Variants in HS3ST2 observed in about 807,000 individuals in gnomAD.
HS3ST2 encodes the protein heparan sulfate glucosamine 3-O-sulfotransferase 2.
Under a neutral mutation model 26.3 loss-of-function variants are expected in HS3ST2, and 17 were observed. The ratio of observed to expected loss-of-function variants is 0.65; its 90% CI spans 0.44 to 0.97. The LOEUF (loss-of-function observed/expected upper bound fraction) is 0.97. Among genes scored for constraint, HS3ST2 ranks in the 50% least tolerant of loss-of-function variants. The probability of loss-of-function intolerance (pLI) is 0.00; values close to 1 mark genes in which losing one functional copy is unlikely to be tolerated. For missense variants in HS3ST2, 402 were observed against 501.2 expected, an observed-to-expected ratio of 0.80 and a Z score of 1.89; for synonymous variants, 237 against 219.2, an observed-to-expected ratio of 1.08 and a Z score of -0.72.
At chr16:22,875,371 T>G (rs1901900762) in intron 1 of HS3ST2, among the ~76,000 whole-genome samples, 2 of 150,462 alleles carry the variant, frequency 1.3e-5, no homozygotes, top group African/African-American at 4.9e-5. Flanking sequence ...TTTTAATAAA[T>G]TTATTTATTT....
chr16:22,853,502 T>C (rs1159509001), intron 1 of HS3ST2, among the ~76,000 whole-genome samples: 2 of 152,148 alleles, frequency 1.3e-5, no homozygotes, highest in Non-Finnish European at 2.9e-5. Flanking sequence ...CTAGGGAAGA[T>C]GGGAACTTGA....
chr16:22,814,511 G>C lies in HS3ST2; in HGVS notation c.-100G>C. On this transcript the variant is annotated 5_prime_UTR_variant, in exon 1 of 2. Transcript: ENST00000261374. ...CCAACGCCCGACCCGCGTGGCCGTG[G>C]CAGCGCCACGCGAGCCCTCTAGGCG... is the stretch of plus-strand genomic sequence containing the variant. 7.5e-7 allele frequency: 1 copy of C among 1,331,022 alleles called. No homozygotes were observed. Among genetic ancestry groups the C allele is most frequent in the Non-Finnish European group, 9.7e-7 (1 of 1,027,356 alleles). 82.5% of individuals were successfully genotyped at this position (1,331,022 alleles called of 1,614,324 possible).
intron 1 of HS3ST2, among the ~76,000 whole-genome samples, chr16:22,849,250 G>A (rs779714164): frequency 2.8e-4 from 42 of 152,204 alleles, no homozygotes; most frequent in Non-Finnish European, 4.6e-4. Context: ...CCAGCCAACA[G>A]GATCTCACAG....
chr16:22,847,631 G>A (rs1235167472), intron 1 of HS3ST2, among the ~76,000 whole-genome samples: 1 of 151,916 alleles, frequency 6.6e-6, no homozygotes, highest in Non-Finnish European at 1.5e-5. Flanking sequence ...GAAGTATGAG[G>A]ATAAAACTGA....
chr16:22,833,865 A>G lies in HS3ST2; in HGVS notation c.485+18770A>G, dbSNP rs546227365. Among the ~76,000 whole-genome samples the G allele has an allele frequency of 2.0e-5, 3 of 152,312 alleles. No homozygotes were observed. In the East Asian group the frequency reaches 5.8e-4, roughly 29 times the overall value. ...AAGAGATATTCACGTGGCAGAATCCAGCATAGCAGATAAAAGAAAATATAT... is the reference window on the plus strand; with the variant it reads ...AAGAGATATTCACGTGGCAGAATCCGGCATAGCAGATAAAAGAAAATATAT... On this transcript the variant is annotated intron_variant, in intron 1 of 1. Transcript: ENST00000261374.
At position 22,827,710 on chromosome 16, in the gene HS3ST2, C is replaced by CTTT. The variant is rs34248118; in HGVS notation, c.485+12632_485+12634dup. On this transcript the variant is annotated intron_variant, in intron 1 of 1. Transcript: ENST00000261374. ...TGTGATAGTATTTCTTTCTTTCTTT[C>CTTT]TTTTTTTTTTTTTTTTTTTGAGACA... Among the ~76,000 whole-genome samples the CTTT allele has an allele frequency of 1.3e-3, 137 of 108,960 alleles. 6 individuals carry two copies. Among genetic ancestry groups the CTTT allele is most frequent in the East Asian group, 1.6e-3 (6 of 3,644 alleles). The allele number at this position is 108,960 out of a possible 152,430, so 71.5% of individuals were successfully genotyped here.
intron 1 of HS3ST2, among the ~76,000 whole-genome samples, chr16:22,827,348 G>T (rs1413317856): frequency 6.6e-6 from 1 of 152,172 alleles, no homozygotes; most frequent in Non-Finnish European, 1.5e-5. Flanking sequence ...CTGAGCAAAT[G>T]CAGGACTATT....
intron 1 of HS3ST2, 147 bp from the exon 2 acceptor site, chr16:22,914,797 G>T (rs1902471173): frequency 6.6e-6 from 3 of 454,772 alleles, no homozygotes; most frequent in Non-Finnish European, 7.9e-6. Context: ...GATTTAAAGT[G>T]AGTACCTCAC....
At chr16:22,872,357 A>G (rs1313490097) in intron 1 of HS3ST2, among the ~76,000 whole-genome samples, 2 of 152,212 alleles carry the variant, frequency 1.3e-5, no homozygotes, top group Admixed American at 6.5e-5. Context: ...TATCTCCTAT[A>G]CCAAATATAG....
chr16:22,852,464 C>T (rs1901531268), intron 1 of HS3ST2, among the ~76,000 whole-genome samples: 1 of 152,180 alleles, frequency 6.6e-6, no homozygotes, highest in South Asian at 2.1e-4. Flanking sequence ...GGTCCCCAGT[C>T]ATTCCTTCTG....
intron 1 of HS3ST2, among the ~76,000 whole-genome samples, chr16:22,840,585 T>TCTGGCTTCTGGG (rs1901337626): frequency 6.6e-6 from 1 of 152,120 alleles, no homozygotes; most frequent in African/African-American, 2.4e-5. Context: ...GGTTTTGCCA[T>TCTGGCTTCTGGG]GTTGCCCAGG....
chr16:22,872,916 A>G (rs1041744692), intron 1 of HS3ST2, among the ~76,000 whole-genome samples: 10 of 152,190 alleles, frequency 6.6e-5, no homozygotes, highest in African/African-American at 2.4e-4. Context: ...TCTCTGGCTG[A>G]AAGTGTAGGC....
rs116500067 is a variant in HS3ST2, at chr16:22,852,096, G to C, written c.485+37001G>C. Among the ~76,000 whole-genome samples, 1,406 of 152,286 alleles carry C rather than the reference G, an allele frequency of 9.2e-3. 28 individuals are homozygous for C. The highest frequency in any genetic ancestry group is 0.032 in the African/African-American group (1,342 of 41,542). ...ATCAGGAAACATTTGGCAATGTCTA[G>C]AGACATTTTTGATTATCACAACTAG... On this transcript the variant is annotated intron_variant, in intron 1 of 1. Coordinates refer to ENST00000261374, the MANE Select transcript of HS3ST2 (RefSeq NM_006043.2).
intron 1 of HS3ST2, among the ~76,000 whole-genome samples, chr16:22,873,700 T>C (rs1184023776): frequency 6.6e-6 from 1 of 152,194 alleles, no homozygotes; most frequent in Non-Finnish European, 1.5e-5. Context: ...CCCCAAAACT[T>C]AGTGGCTTAA....
At chr16:22,872,249 A>G (rs554666058) in intron 1 of HS3ST2, among the ~76,000 whole-genome samples, 59 of 152,352 alleles carry the variant, frequency 3.9e-4, no homozygotes, top group African/African-American at 1.3e-3. Flanking sequence ...TTCTCTTCTC[A>G]TATCAACCCT....
chr16:22,816,873 C>T (rs1186225035), intron 1 of HS3ST2, among the ~76,000 whole-genome samples: 1 of 152,200 alleles, frequency 6.6e-6, no homozygotes, highest in Non-Finnish European at 1.5e-5. Flanking sequence ...AAGTGCAAAA[C>T]AGCAAAATTC....
At chr16:22,892,298 A>G (rs1442183834) in intron 1 of HS3ST2, among the ~76,000 whole-genome samples, 1 of 151,846 alleles carries the variant, frequency 6.6e-6, no homozygotes, top group Non-Finnish European at 1.5e-5. Context: ...TCAAAAAAAA[A>G]AAAAAAAGAA....
chr16:22,855,696 G>GTCTGTC (rs1555512844), intron 1 of HS3ST2, among the ~76,000 whole-genome samples: 10 of 142,940 alleles, frequency 7.0e-5, no homozygotes, highest in African/African-American at 2.6e-4. Context: ...CTGTCTCTCT[G>GTCTGTC]TCTCTCTCTC....
chr16:22,881,224 C>G (rs929867354), intron 1 of HS3ST2, among the ~76,000 whole-genome samples: 1 of 152,204 alleles, frequency 6.6e-6, no homozygotes, highest in African/African-American at 2.4e-5. Flanking sequence ...AAAAGGAACA[C>G]CTAGGGATGC....
Sources: allele counts gnomAD v4.1 joint callset (sites outside exome capture counted in the v4.1 genomes callset), GRCh38; gene constraint gnomAD v4.1.1; transcripts MANE v1.5; gene names NCBI Gene and HGNC (gene_info 2026-07-23, HGNC 2026-07-21).